Variants in NYAP2 observed in about 807,000 individuals in gnomAD.
The protein encoded by NYAP2 is neuronal tyrosine-phosphorylated phosphoinositide-3-kinase adapter 2.
Under a neutral mutation model 50.4 loss-of-function variants are expected in NYAP2, and 23 were observed. That is an observed-to-expected ratio of 0.46 (90% CI 0.33 to 0.65). The LOEUF is 0.65. NYAP2 is among the 30% of genes least tolerant of loss of function. The probability of loss-of-function intolerance (pLI) is 0.02; values close to 1 mark genes in which losing one functional copy is unlikely to be tolerated. For synonymous variants in NYAP2, 394 were observed against 365.2 expected (o/e 1.08, Z -0.90); for missense variants, 885 against 861.0 (o/e 1.03, Z -0.35).
intron 3 of NYAP2, among the ~76,000 whole-genome samples, chr2:225,439,955 G>C (rs932774752): frequency 6.6e-6 from 1 of 152,176 alleles, no homozygotes. Context: ...TTCACAGGGT[G>C]GCAGGAGAGA....
At chr2:225,405,832 G>A (rs972695217) in intron 2 of NYAP2, among the ~76,000 whole-genome samples, 1 of 151,906 alleles carries the variant, frequency 6.6e-6, no homozygotes, top group African/African-American at 2.4e-5. Context: ...ATTTGATTGG[G>A]GGAAGAATGT....
intron 4 of NYAP2, among the ~76,000 whole-genome samples, chr2:225,529,128 G>A (rs1224967993): frequency 6.6e-6 from 1 of 152,184 alleles, no homozygotes; most frequent in Non-Finnish European, 1.5e-5. Flanking sequence ...AAACAAAATG[G>A]CAGAAAGGAG....
intron 4 of NYAP2, among the ~76,000 whole-genome samples, chr2:225,577,271 C>G (rs1692184244): frequency 6.6e-6 from 1 of 152,042 alleles, no homozygotes; most frequent in Non-Finnish European, 1.5e-5. Context: ...TATCTTTGGG[C>G]TTATTAGAAA....
At position 225,522,180 on chromosome 2, in the gene NYAP2, T is replaced by G. The variant is rs574139732; in HGVS notation, c.523+8508T>G. ...TCTTCTCTCTTTTCTTCTTTATTAG[T>G]CTTGCTTTATTAACCTTTAATTATC... On this transcript the variant is annotated intron_variant, in intron 4 of 6. Transcript: ENST00000636099. Among the ~76,000 whole-genome samples the G allele has an allele frequency of 2.0e-5, 3 of 152,280 alleles. No individual in the cohort carries two copies. In the East Asian group the frequency reaches 5.8e-4, roughly 29 times the overall value.
rs575985771 is a variant in NYAP2 at position 225,625,153 on chromosome 2, A to T, written c.1619-1764A>T. 6.6e-5 allele frequency among the ~76,000 whole-genome samples: 10 copies of T among 152,024 alleles called. No homozygotes were observed. The East Asian group carries it at 1.9e-3, about 29-fold the overall frequency. On this transcript the variant is annotated intron_variant, in intron 5 of 6. Transcript: ENST00000636099. The stretch of plus-strand genomic sequence containing the variant: ...AAACTGTTAACCTGGTGAATTTTAC[A>T]ACTTGTGATTATTAGATAATCAGAT...
the NYAP2 span, among the ~76,000 whole-genome samples, chr2:225,659,845 GTT>G: frequency 6.6e-6 from 1 of 152,166 alleles, no homozygotes; most frequent in Non-Finnish European, 1.5e-5. Flanking sequence ...TTTCCTAACA[GTT>G]TTTCCTCTTT....
chr2:225,513,702 A>C (rs1217819664), intron 4 of NYAP2, 30 bp downstream of exon 4: 2 of 1,480,752 alleles, frequency 1.4e-6, no homozygotes, highest in Non-Finnish European at 9.0e-7. Context: ...TGTCACCTAG[A>C]AATCTCTTTC....
intron 4 of NYAP2, among the ~76,000 whole-genome samples, chr2:225,578,513 G>T (rs1444483203): frequency 6.6e-6 from 1 of 152,176 alleles, no homozygotes; most frequent in African/African-American, 2.4e-5. Flanking sequence ...GATTTAAGTA[G>T]TAAGCGCCTT....
At chr2:225,614,028 T>C (rs935167608) in intron 5 of NYAP2, among the ~76,000 whole-genome samples, 2 of 152,148 alleles carry the variant, frequency 1.3e-5, no homozygotes, top group Non-Finnish European at 2.9e-5. Context: ...AGTTTAGACA[T>C]AGGAAAATTC....
chr2:225,494,091 A>G (rs1690459032), intron 3 of NYAP2, among the ~76,000 whole-genome samples: 1 of 152,268 alleles, frequency 6.6e-6, no homozygotes, highest in Non-Finnish European at 1.5e-5. Context: ...GTAAAATGGG[A>G]AAGTGTCTGT....
intron 5 of NYAP2, among the ~76,000 whole-genome samples, chr2:225,621,565 G>T (rs1014817428): frequency 2.0e-5 from 3 of 151,986 alleles, no homozygotes; most frequent in African/African-American, 7.3e-5. Context: ...ACAACAAAAT[G>T]AATGTACTTT....
chr2:225,405,684 A>G (rs1333302160), intron 2 of NYAP2, among the ~76,000 whole-genome samples: 2 of 151,970 alleles, frequency 1.3e-5, no homozygotes, highest in Non-Finnish European at 2.9e-5. Context: ...CAGTTGTCTG[A>G]GAAACACTTT....
At chr2:225,409,793 A>G (rs16866582) in intron 3 of NYAP2, among the ~76,000 whole-genome samples, 3,856 of 152,164 alleles carry the variant, frequency 0.025, 162 homozygotes, top group African/African-American at 0.087. Flanking sequence ...AGAATGTTAC[A>G]ATGTTTTCAG....
At chr2:225,538,924 C>A (rs756962571) in intron 4 of NYAP2, among the ~76,000 whole-genome samples, 1 of 151,368 alleles carries the variant, frequency 6.6e-6, no homozygotes, top group African/African-American at 2.4e-5. Flanking sequence ...TATACACGTG[C>A]CATGGTGACT....
chr2:225,513,759 A>T, intron 4 of NYAP2, 87 bp downstream of exon 4: 1 of 1,033,406 alleles, frequency 9.7e-7, no homozygotes, highest in Non-Finnish European at 1.3e-6. Context: ...TGCCTTCTTC[A>T]CTGGGCCACA....
intron 3 of NYAP2, among the ~76,000 whole-genome samples, chr2:225,466,176 C>T (rs1264002133): frequency 6.6e-6 from 1 of 152,206 alleles, no homozygotes; most frequent in Middle Eastern, 3.2e-3. Flanking sequence ...TCTGAATATA[C>T]TATTTCTCCA....
chr2:225,498,511 T>C (rs1016947349), intron 3 of NYAP2, among the ~76,000 whole-genome samples: 3 of 152,126 alleles, frequency 2.0e-5, no homozygotes, highest in Admixed American at 6.5e-5. Context: ...GACTCTTATT[T>C]TGGGTAATCC....
At chr2:225,574,013 C>T (rs1378835010) in intron 4 of NYAP2, among the ~76,000 whole-genome samples, 2 of 152,124 alleles carry the variant, frequency 1.3e-5, no homozygotes, top group Non-Finnish European at 1.5e-5. Flanking sequence ...ATTTGCCTTC[C>T]AGCCACAATA....
At chr2:225,483,492 C>A (rs1690241668) in intron 3 of NYAP2, among the ~76,000 whole-genome samples, 1 of 152,094 alleles carries the variant, frequency 6.6e-6, no homozygotes, top group Admixed American at 6.5e-5. Context: ...AACTGGTAAA[C>A]ATTGGGTAAA....
Sources: gnomAD v4.1 joint callset for allele counts (sites outside exome capture counted in the v4.1 genomes callset) on GRCh38, gnomAD v4.1.1 for gene constraint, MANE v1.5 for transcripts, NCBI Gene and HGNC (gene_info 2026-07-23, HGNC 2026-07-21) for gene names.